Variants in FOXK1 observed in about 807,000 individuals in gnomAD.
FOXK1 encodes forkhead box protein K1.
FOXK1 carries 19 observed loss-of-function variants against 51.9 expected under a neutral mutation model. The observed-to-expected ratio is 0.37, with a 90% CI of 0.26 to 0.54. The LOEUF (loss-of-function observed/expected upper bound fraction) is 0.54. Among genes scored for constraint, FOXK1 ranks in the 20% least tolerant of loss-of-function variants. The probability of loss-of-function intolerance (pLI) is 0.87; values close to 1 mark genes in which losing one functional copy is unlikely to be tolerated. For synonymous variants in FOXK1, 537 were observed against 482.6 expected, an observed-to-expected ratio of 1.11 and a Z score of -1.48; for missense variants, 870 against 1,032.7, an observed-to-expected ratio of 0.84 and a Z score of 2.16.
rs750159037 is a variant in FOXK1, at chr7:4,711,399, C to T, written c.560+28531C>T. Among the ~76,000 whole-genome samples the T allele has an allele frequency of 1.3e-5, 2 of 152,206 alleles. No individual in the cohort carries two copies. Among genetic ancestry groups the T allele is most frequent in the South Asian group, 2.1e-4 (1 of 4,820 alleles). On this transcript the variant is annotated intron_variant, in intron 1 of 8. Coordinates refer to ENST00000328914, the MANE Select transcript of FOXK1 (RefSeq NM_001037165.2). This position sits in a 1 kb window ranked among gnomAD's most constrained non-coding sequence, Gnocchi z 6.3. ...AGTCCGGGGGTGGGTCCCAGCCAGC[C>T]GCCAGCTCTCCCTGGAGTGATTCCT...
chr7:4,741,053 C>A, intron 2 of FOXK1, 30 bp downstream of exon 2: 1 of 1,449,010 alleles, frequency 6.9e-7, no homozygotes, highest in Non-Finnish European at 9.2e-7. Context: ...GCCCTTGGGC[C>A]CCCAGGAGAG....
chr7:4,721,169 G>T (rs1780304432), intron 1 of FOXK1, among the ~76,000 whole-genome samples: 1 of 152,222 alleles, frequency 6.6e-6, no homozygotes, highest in Non-Finnish European at 1.5e-5. Flanking sequence ...CCCTGGAGGA[G>T]GTTCTCCGTT....
Position 4,759,038 on chromosome 7 carries a change from G to T in FOXK1, c.1245-13G>T, listed in dbSNP as rs1182828285. 1.3e-6 allele frequency: 2 copies of T among 1,578,594 alleles called. No homozygotes were observed. Among genetic ancestry groups the T allele is most frequent in the South Asian group, 1.2e-5 (1 of 86,482 alleles). The stretch of plus-strand genomic sequence containing the variant: ...GCGGGCGCTGACTGCCGCGGCCCTT[G>T]CCTGTCTTCCAGGAGCGCTCCAGCT... On this transcript the variant is annotated splice_polypyrimidine_tract_variant and intron_variant, in intron 5 of 8. Transcript: ENST00000328914.
chr7:4,702,464 TC>T (rs1193764641), intron 1 of FOXK1, among the ~76,000 whole-genome samples: 1 of 152,154 alleles, frequency 6.6e-6, no homozygotes, highest in Non-Finnish European at 1.5e-5. Context: ...TGCCTCAGCC[TC>T]CGGAGTAGCT....
At position 4,762,824 on chromosome 7, in the gene FOXK1, A is replaced by G. The variant is rs888910549; in HGVS notation, c.*360A>G. The G allele has an allele frequency of 9.0e-6, 2 of 221,700 alleles. No homozygotes were observed. Among genetic ancestry groups the G allele is most frequent in the African/African-American group, 4.6e-5 (2 of 43,532 alleles). The allele number at this position is 221,700 out of a possible 1,614,324, so 13.7% of individuals were successfully genotyped here. A position where few individuals can be genotyped will look rare whatever the true frequency, so the allele number is the denominator to read the frequency against. Reference sequence around the variant, plus strand: ...AGACAGCCCCTCCGCTCCGCGCTGCACGGCCAGCCGCCTTTGTCCGGGAGG... The same window carrying G: ...AGACAGCCCCTCCGCTCCGCGCTGCGCGGCCAGCCGCCTTTGTCCGGGAGG... On this transcript the variant is annotated 3_prime_UTR_variant, in exon 9 of 9. Coordinates refer to ENST00000328914, the MANE Select transcript of FOXK1 (RefSeq NM_001037165.2). This position sits in a 1 kb window ranked among gnomAD's most constrained non-coding sequence, Gnocchi z 5.7.
intron 1 of FOXK1, among the ~76,000 whole-genome samples, chr7:4,725,483 A>C (rs1036785148): frequency 1.3e-5 from 2 of 152,246 alleles, no homozygotes; most frequent in Admixed American, 6.5e-5. Flanking sequence ...GCCCACAGGC[A>C]GAGGCCCGGG....
chr7:4,689,199 A>C (rs1779859872), intron 1 of FOXK1, among the ~76,000 whole-genome samples: 1 of 151,906 alleles, frequency 6.6e-6, no homozygotes, highest in Non-Finnish European at 1.5e-5. Context: ...GCCAGTCTTG[A>C]ACTCCTGACC....
chr7:4,763,739 C>A lies in FOXK1; in HGVS notation c.*1275C>A. 1 of 152,452 alleles carries A rather than the reference C, an allele frequency of 6.6e-6. No individual in the cohort carries two copies. The allele number at this position is 152,452 out of a possible 1,614,324, so 9.4% of individuals were successfully genotyped here. A position where few individuals can be genotyped will look rare whatever the true frequency, so the allele number is the denominator to read the frequency against. ...TTAAGACAGCCAGTGGTTCCTGGAT[C>A]TTTGTCACCAAGCAGCGTTGAGCCA... On this transcript the variant is annotated 3_prime_UTR_variant, in exon 9 of 9. Transcript: ENST00000328914.
At position 4,771,439 on chromosome 7, in the gene FOXK1, A is replaced by T. The variant is rs1420800552; in HGVS notation, c.*8975A>T. ...AGAAATAAAATTCTATATTAAAGAA[A>T]TGACCCTGCGGCTCCGGTGTGGTCC... is the stretch of plus-strand genomic sequence containing the variant. On this transcript the variant is annotated 3_prime_UTR_variant, in exon 9 of 9. Coordinates refer to ENST00000328914, the MANE Select transcript of FOXK1 (RefSeq NM_001037165.2). The T allele has an allele frequency of 6.6e-6, 1 of 152,270 alleles. No individual in the cohort carries two copies. The highest frequency in any genetic ancestry group is 2.4e-5 in the African/African-American group (1 of 41,428). 9.4% of individuals were successfully genotyped at this position (152,270 alleles called of 1,614,324 possible). A position where few individuals can be genotyped will look rare whatever the true frequency, so the allele number is the denominator to read the frequency against.
At chr7:4,701,031 C>G (rs1780014246) in intron 1 of FOXK1, among the ~76,000 whole-genome samples, 1 of 152,182 alleles carries the variant, frequency 6.6e-6, no homozygotes, top group Non-Finnish European at 1.5e-5. Context: ...CAGACTGGCC[C>G]TCAGGTCTGC....
chr7:4,692,104 ACT>A (rs1299308394), intron 1 of FOXK1, among the ~76,000 whole-genome samples: 4 of 151,950 alleles, frequency 2.6e-5, no homozygotes, highest in East Asian at 3.9e-4. Flanking sequence ...GGTAATAATA[ACT>A]CTATTTCAAA....
In FOXK1 at chr7:4,730,260, C is replaced by T. The variant is rs943148443; in HGVS notation, c.561-10578C>T. ...AATTCACACACACCACGCACACCCC[C>T]ACATTGTTGTCACTGCGAGAACGGA... On this transcript the variant is annotated intron_variant, in intron 1 of 8. Coordinates refer to ENST00000328914, the MANE Select transcript of FOXK1 (RefSeq NM_001037165.2). The surrounding 1 kb of genome is among the most constrained non-coding windows in gnomAD (Gnocchi z 4.7). 6.6e-6 allele frequency among the ~76,000 whole-genome samples: 1 copy of T among 152,234 alleles called. No homozygotes were observed. The highest frequency in any genetic ancestry group is 2.4e-5 in the African/African-American group (1 of 41,458).
chr7:4,682,372 A>C lies in FOXK1; in HGVS notation c.64A>C (p.Ser22Arg), dbSNP rs1485456276. 1 of 983,774 alleles carries C rather than the reference A, an allele frequency of 1.0e-6. No homozygotes were observed. The highest frequency in any genetic ancestry group is 6.3e-5 in the Admixed American group (1 of 15,760). The allele number at this position is 983,774 out of a possible 1,614,324, so 60.9% of individuals were successfully genotyped here. A position where few individuals can be genotyped will look rare whatever the true frequency, so the allele number is the denominator to read the frequency against. The change falls in exon 1 of 9, where the codon AGC (serine) becomes CGC (arginine). Residue 22 changes from serine to arginine, a missense_variant. Physicochemically the swap from Ser to Arg is moderately radical, Grantham distance 110. Transcript: ENST00000328914. This position sits in a 1 kb window ranked among gnomAD's most constrained non-coding sequence, Gnocchi z 7.6. ...ALLALRSAPC[S>R]PVLCAAAAAA... ...GCTCGCGCTGCGCTCGGCGCCCTGCAGCCCAGTGCTGTGCGCCGCAGCCGC... is the reference window on the plus strand; with the variant it reads ...GCTCGCGCTGCGCTCGGCGCCCTGCCGCCCAGTGCTGTGCGCCGCAGCCGC...
rs571661540 is a variant in FOXK1 at position 4,731,025 on chromosome 7, G to C, written c.561-9813G>C. Among the ~76,000 whole-genome samples the C allele has an allele frequency of 9.9e-5, 15 of 152,228 alleles. No individual in the cohort carries two copies. The highest frequency in any genetic ancestry group is 9.2e-4 in the Admixed American group (14 of 15,294). Reference sequence around the variant, plus strand: ...CTACAAAAAATCAAAACCATTTGCTGAACAGTCTTATTTCTCGGAGGAGTT... The same window carrying C: ...CTACAAAAAATCAAAACCATTTGCTCAACAGTCTTATTTCTCGGAGGAGTT... On this transcript the variant is annotated intron_variant, in intron 1 of 8. Transcript: ENST00000328914. The surrounding 1 kb of genome is among the most constrained non-coding windows in gnomAD (Gnocchi z 5.3).
chr7:4,684,080 G>T (rs1309623009), intron 1 of FOXK1, among the ~76,000 whole-genome samples: 3 of 152,174 alleles, frequency 2.0e-5, no homozygotes, highest in African/African-American at 7.2e-5. Context: ...GCCCATTCCG[G>T]TTCCCTCCTT....
At position 4,759,369 on chromosome 7, in the gene FOXK1, C is replaced by T. The variant is rs148694575; in HGVS notation, c.1470C>T (p.Leu490=). 216 of 1,602,472 alleles carry T rather than the reference C, an allele frequency of 1.3e-4. 1 individual carries two copies. In the African/African-American group the frequency reaches 2.3e-3, roughly 17 times the overall value. The change falls in exon 7 of 9, where the codon CTC becomes CTT. Residue 490 remains leucine (L), a synonymous_variant. Transcript: ENST00000328914. Reference sequence around the variant, plus strand: ...CCGTGCCTCCCCGACCGTCCAGCCTCGTGGCCAAGCCCGTGGCCTACATGC... The same window carrying T: ...CCGTGCCTCCCCGACCGTCCAGCCTTGTGGCCAAGCCCGTGGCCTACATGC... ...IMAVPPRPSS[L]VAKPVAYMPA...
rs1780829071 is a variant in FOXK1 at position 4,755,103 on chromosome 7, AG to A, written c.904-131del. 13 of 1,082,434 alleles carry A rather than the reference AG, an allele frequency of 1.2e-5. No homozygotes were observed. The highest frequency in any genetic ancestry group is 1.7e-5 in the Non-Finnish European group (13 of 768,416). 67.1% of individuals were successfully genotyped at this position (1,082,434 alleles called of 1,614,324 possible). A position where few individuals can be genotyped will look rare whatever the true frequency, so the allele number is the denominator to read the frequency against. ...GCAAGCACATTAATGGGATAGTTGG[AG>A]GGCACTGGGACGGGTGCCGGCAAGA... On this transcript the variant is annotated intron_variant, in intron 3 of 8. Coordinates refer to ENST00000328914, the MANE Select transcript of FOXK1 (RefSeq NM_001037165.2). The surrounding 1 kb of genome is among the most constrained non-coding windows in gnomAD (Gnocchi z 6.6).
rs958433435 is a variant in FOXK1, at chr7:4,683,099, C to T, written c.560+231C>T. ...ATCCTGGAGGCTCCAGCCTGAGGAT[C>T]TCCTCCACTTTCCCCGGTCTGGATA... On this transcript the variant is annotated intron_variant, in intron 1 of 8. Coordinates refer to ENST00000328914, the MANE Select transcript of FOXK1 (RefSeq NM_001037165.2). The surrounding 1 kb of genome is among the most constrained non-coding windows in gnomAD (Gnocchi z 4.5). Among the ~76,000 whole-genome samples the T allele has an allele frequency of 3.3e-5, 5 of 150,220 alleles. No homozygotes were observed. The highest frequency in any genetic ancestry group is 1.2e-4 in the African/African-American group (5 of 40,764).
At chr7:4,690,313 C>T (rs540754447) in intron 1 of FOXK1, among the ~76,000 whole-genome samples, 8 of 152,184 alleles carry the variant, frequency 5.3e-5, no homozygotes, top group Non-Finnish European at 4.4e-5. Flanking sequence ...AGTTTCAGTC[C>T]GGTTGTATCT....
Sources: gnomAD v4.1 joint callset for allele counts (sites outside exome capture counted in the v4.1 genomes callset) on GRCh38, gnomAD v4.1.1 for gene constraint, Gnocchi (gnomAD v3.1) non-coding constraint, MANE v1.5 for transcripts, NCBI Gene and HGNC (gene_info 2026-07-23, HGNC 2026-07-21) for gene names.